MOB2: variants seen among roughly 807,000 people sequenced by gnomAD.
MOB2 encodes MOB kinase activator 2, also known as MOB2 Mps One Binder homolog.
In MOB2, 14 loss-of-function variants were observed where a neutral mutation model predicts 27.4. The ratio of observed to expected loss-of-function variants is 0.51; its 90% CI spans 0.34 to 0.80. The LOEUF (loss-of-function observed/expected upper bound fraction) is 0.80. MOB2 is among the 30% of genes least tolerant of loss of function. The probability of loss-of-function intolerance (pLI) is 0.01; values close to 1 mark genes in which losing one functional copy is unlikely to be tolerated. For synonymous variants in MOB2, 167 were observed against 151.8 expected, an observed-to-expected ratio of 1.10 and a Z score of -0.74; for missense variants, 304 against 354.6, an observed-to-expected ratio of 0.86 and a Z score of 1.15.
At chr11:1,482,561 T>C (rs746667007) in intron 1 of MOB2, among the ~76,000 whole-genome samples, 1 of 152,060 alleles carries the variant, frequency 6.6e-6, no homozygotes, top group Non-Finnish European at 1.5e-5. Context: ...CCACACCTGC[T>C]CTCCTAGAAC....
intron 1 of MOB2, among the ~76,000 whole-genome samples, chr11:1,482,182 C>T (rs901621620): frequency 6.6e-6 from 1 of 152,228 alleles, no homozygotes; most frequent in South Asian, 2.1e-4. Context: ...TTGCAGTGGC[C>T]CAGGCTGCCA....
At chr11:1,483,765 G>A (rs1369990331) in intron 1 of MOB2, among the ~76,000 whole-genome samples, 2 of 152,202 alleles carry the variant, frequency 1.3e-5, no homozygotes, top group Non-Finnish European at 2.9e-5. Context: ...CGTGCCAGTC[G>A]GCCTCCTTGG....
At chr11:1,484,712 T>C (rs1847952611) in intron 1 of MOB2, among the ~76,000 whole-genome samples, 1 of 152,054 alleles carries the variant, frequency 6.6e-6, no homozygotes, top group African/African-American at 2.4e-5. Context: ...GAAAACTGCA[T>C]TTCTAACACC....
intron 3 of MOB2, among the ~76,000 whole-genome samples, chr11:1,474,233 T>C (rs1847829322): frequency 6.6e-6 from 1 of 152,244 alleles, no homozygotes; most frequent in African/African-American, 2.4e-5. Context: ...TGTCTGCTCA[T>C]TTCTTTTGCT....
chr11:1,480,335 G>A, intron 3 of MOB2, 58 bp downstream of exon 3: 2 of 1,511,062 alleles, frequency 1.3e-6, no homozygotes, highest in Non-Finnish European at 9.2e-7. Context: ...GGCAGCGGGG[G>A]CTCAGAGCCC....
At chr11:1,477,828 GTT>G (rs1847869152) in intron 3 of MOB2, among the ~76,000 whole-genome samples, 1 of 152,198 alleles carries the variant, frequency 6.6e-6, no homozygotes, top group African/African-American at 2.4e-5. Flanking sequence ...ACACCAGAGA[GTT>G]GGTTATTTTA....
At chr11:1,477,163 C>G (rs369008126) in intron 3 of MOB2, among the ~76,000 whole-genome samples, 3 of 151,768 alleles carry the variant, frequency 2.0e-5, no homozygotes, top group South Asian at 2.1e-4. Context: ...GGCTGCAATC[C>G]CCGGCGATCA....
intron 2 of MOB2, 41 bp downstream of exon 2, chr11:1,480,684 C>CAGGGAGG (rs755944578): frequency 3.0e-5 from 47 of 1,588,576 alleles, no homozygotes; most frequent in African/African-American, 1.7e-4. Context: ...CGAGGAGGAG[C>CAGGGAGG]AGGGAGGAGG....
chr11:1,470,613 G>T, intron 4 of MOB2, 125 bp from the exon 5 acceptor site: 1 of 1,096,450 alleles, frequency 9.1e-7, no homozygotes. Flanking sequence ...CACCCTCAGG[G>T]CCTACAAAGC....
Position 1,470,012 on chromosome 11 carries a change from CCGTCTG to C in MOB2, c.*154_*159del. ...AGGGGGCCACAGGACACGGCCGGGG[CCGTCTG>C]CGTCTGTGCCTGTGCAGCCCACACC... is the stretch of plus-strand genomic sequence containing the variant. On this transcript the variant is annotated 3_prime_UTR_variant, in exon 5 of 5. Coordinates refer to ENST00000329957, the MANE Select transcript of MOB2 (RefSeq NM_001172223.3). 1 of 1,527,028 alleles carries C rather than the reference CCGTCTG, an allele frequency of 6.5e-7. No homozygotes were observed. Among genetic ancestry groups the C allele is most frequent in the Non-Finnish European group, 8.8e-7 (1 of 1,139,306 alleles). The allele number at this position is 1,527,028 out of a possible 1,614,324, so 94.6% of individuals were successfully genotyped here. A position where few individuals can be genotyped will look rare whatever the true frequency, so the allele number is the denominator to read the frequency against.
Position 1,470,383 on chromosome 11 carries a change from G to T in MOB2, c.596C>A (p.Ala199Asp). Reference protein sequence around the residue: ...IYWAHFKETLALELHGHLNTL... With the variant: ...IYWAHFKETLDLELHGHLNTL... ...GTTCAAGTGTCCGTGCAGCTCCAGG[G>T]CCAGCGTCTCCTTGAAGTGGGCCCA... Residue 199 changes from alanine (A) to aspartate (D), a missense_variant, in exon 5 of 5, where the codon GCC becomes GAC. Ala to Asp is a moderately radical substitution (Grantham distance 126). Transcript: ENST00000329957. The T allele has an allele frequency of 6.2e-7, 1 of 1,613,716 alleles. No homozygotes were observed. Among genetic ancestry groups the T allele is most frequent in the South Asian group, 1.1e-5 (1 of 91,092 alleles).
chr11:1,474,435 G>A (rs916456543), intron 3 of MOB2, among the ~76,000 whole-genome samples: 1 of 152,210 alleles, frequency 6.6e-6, no homozygotes, highest in Non-Finnish European at 1.5e-5. Context: ...CAGGTCATAA[G>A]GATTTCCTAT....
intron 3 of MOB2, among the ~76,000 whole-genome samples, chr11:1,476,948 T>C (rs1188737116): frequency 1.3e-5 from 2 of 152,202 alleles, no homozygotes; most frequent in Non-Finnish European, 2.9e-5. Context: ...ACTTACTTCG[T>C]ATGGTTTTGA....
chr11:1,476,719 GA>G (rs1847856332), intron 3 of MOB2, among the ~76,000 whole-genome samples: 1 of 152,160 alleles, frequency 6.6e-6, no homozygotes, highest in Admixed American at 6.5e-5. Flanking sequence ...CTTTTTCTAA[GA>G]AAGCATTAAT....
At chr11:1,471,127 C>T (rs1475504294) in intron 4 of MOB2, among the ~76,000 whole-genome samples, 168 bp downstream of exon 4, 2 of 152,244 alleles carry the variant, frequency 1.3e-5, no homozygotes. Context: ...GCTCCGGCCT[C>T]ACCCCACAGC....
intron 3 of MOB2, among the ~76,000 whole-genome samples, chr11:1,479,830 G>A (rs1847890154): frequency 6.6e-6 from 1 of 152,230 alleles, no homozygotes; most frequent in Admixed American, 6.5e-5. Flanking sequence ...AGCCTCCAAG[G>A]CTGCTTTCAG....
At chr11:1,479,116 ACTC>A (rs1847882940) in intron 3 of MOB2, among the ~76,000 whole-genome samples, 1 of 151,946 alleles carries the variant, frequency 6.6e-6, no homozygotes, top group Non-Finnish European at 1.5e-5. Context: ...CACATCCTAC[ACTC>A]CTCCAAGGAC....
At chr11:1,476,719 G>C (rs548221274) in intron 3 of MOB2, among the ~76,000 whole-genome samples, 1 of 152,278 alleles carries the variant, frequency 6.6e-6, no homozygotes, top group East Asian at 1.9e-4. Context: ...CTTTTTCTAA[G>C]AAAGCATTAA....
Position 1,470,092 on chromosome 11 carries a change from A to G in MOB2, c.*80T>C, listed in dbSNP as rs767916744. The G allele has an allele frequency of 4.5e-6, 7 of 1,545,292 alleles. No individual in the cohort carries two copies. Among genetic ancestry groups the G allele is most frequent in the South Asian group, 2.4e-5 (2 of 84,080 alleles). On this transcript the variant is annotated 3_prime_UTR_variant, in exon 5 of 5. Coordinates refer to ENST00000329957, the MANE Select transcript of MOB2 (RefSeq NM_001172223.3). ...ACCTCACCACACGCGTGCCCAGCAC[A>G]TGTGTGCACACGCAGATGCAGGAGA... is the stretch of plus-strand genomic sequence containing the variant.
Sources: gnomAD v4.1 joint callset for allele counts (sites outside exome capture counted in the v4.1 genomes callset) on GRCh38, gnomAD v4.1.1 for gene constraint, MANE v1.5 for transcripts, NCBI Gene and HGNC (gene_info 2026-07-23, HGNC 2026-07-21) for gene names.